Variants in ADRA1A observed in about 807,000 individuals in gnomAD.
The protein encoded by ADRA1A is adrenoceptor alpha 1A.
Under a neutral mutation model 29.6 loss-of-function variants are expected in ADRA1A, and 31 were observed. The ratio of observed to expected loss-of-function variants is 1.05; its 90% confidence interval spans 0.79 to 1.41. The LOEUF is 1.41. ADRA1A is among the 40% of genes most tolerant of loss of function. The pLI is 0.00. For synonymous variants in ADRA1A, 311 were observed against 254.3 expected, an observed-to-expected ratio of 1.22 and a Z score of -2.12; for missense variants, 619 against 601.1, an observed-to-expected ratio of 1.03 and a Z score of -0.31.
chr8:26,812,654 TTTA>T (rs869226900), intron 2 of ADRA1A, among the ~76,000 whole-genome samples: 40 of 150,624 alleles, frequency 2.7e-4, no homozygotes, highest in African/African-American at 9.2e-4. Flanking sequence ...TATTTATTTA[TTTA>T]TTTTCTTTAT....
downstream of ADRA1A, among the ~76,000 whole-genome samples, chr8:26,753,647 C>G (rs1389822157): frequency 6.6e-6 from 1 of 152,126 alleles, no homozygotes; most frequent in African/African-American, 2.4e-5. Flanking sequence ...TGAAGACAGT[C>G]TTAAAATAAA....
chr8:26,788,549 T>A (rs182555941), intron 2 of ADRA1A, among the ~76,000 whole-genome samples: 44 of 152,336 alleles, frequency 2.9e-4, no homozygotes, highest in African/African-American at 9.4e-4. Context: ...ACAGTAGATG[T>A]AATTTATTAG....
At chr8:26,829,988 TG>T (rs1810858210) in intron 2 of ADRA1A, among the ~76,000 whole-genome samples, 1 of 151,936 alleles carries the variant, frequency 6.6e-6, no homozygotes, top group Non-Finnish European at 1.5e-5. Context: ...GGAAGGATTG[TG>T]GTATTTCAGG....
intron 2 of ADRA1A, among the ~76,000 whole-genome samples, chr8:26,822,871 G>A (rs1810276271): frequency 6.6e-6 from 1 of 152,182 alleles, no homozygotes; most frequent in Non-Finnish European, 1.5e-5. Flanking sequence ...CAAGAAAGTG[G>A]TGGGAGGAGG....
chr8:26,842,621 C>T (rs372922542), intron 2 of ADRA1A, among the ~76,000 whole-genome samples: 6 of 152,120 alleles, frequency 3.9e-5, no homozygotes, highest in Non-Finnish European at 5.9e-5. Context: ...ACACACCTTG[C>T]GATCACTGCA....
chr8:26,827,959 T>C (rs968965593), intron 2 of ADRA1A, among the ~76,000 whole-genome samples: 1 of 152,190 alleles, frequency 6.6e-6, no homozygotes, highest in African/African-American at 2.4e-5. Context: ...AGTGGCGTGA[T>C]CATGGCTCAC....
At chr8:26,753,318 C>T (rs1264138633), downstream of ADRA1A, among the ~76,000 whole-genome samples, 2 of 152,164 alleles carry the variant, frequency 1.3e-5, no homozygotes, top group South Asian at 2.1e-4. Flanking sequence ...ATACCACCTT[C>T]CCCTGCTACC....
chr8:26,772,532 T>C (rs1358345128), intron 2 of ADRA1A, among the ~76,000 whole-genome samples: 1 of 152,200 alleles, frequency 6.6e-6, no homozygotes, highest in African/African-American at 2.4e-5. Context: ...AGTTTTCTTA[T>C]CTGAAAAAGG....
At chr8:26,859,290 C>T in intron 2 of ADRA1A, 6 of 918,656 alleles carry the variant, frequency 6.5e-6, no homozygotes, top group Non-Finnish European at 8.9e-6. Context: ...AATAAAAAAA[C>T]ATATAACATC....
At chr8:26,756,189 A>G (rs959966599), downstream of ADRA1A, among the ~76,000 whole-genome samples, 5 of 152,238 alleles carry the variant, frequency 3.3e-5, no homozygotes, top group African/African-American at 9.6e-5. Flanking sequence ...CGATCTAATT[A>G]TCTAACATCT....
chr8:26,799,431 C>T (rs1339342590), intron 2 of ADRA1A, among the ~76,000 whole-genome samples: 1 of 152,166 alleles, frequency 6.6e-6, no homozygotes, highest in Non-Finnish European at 1.5e-5. Context: ...TGTGCAGTGA[C>T]TTCCAGTGAA....
intron 2 of ADRA1A, among the ~76,000 whole-genome samples, chr8:26,828,132 G>T (rs942815443): frequency 3.9e-5 from 6 of 152,086 alleles, no homozygotes; most frequent in African/African-American, 1.4e-4. Context: ...GAGCTCAAGC[G>T]ATCTACCTAC....
intron 2 of ADRA1A, among the ~76,000 whole-genome samples, chr8:26,798,634 G>A (rs7839736): frequency 0.017 from 2,634 of 152,222 alleles, 67 homozygotes; most frequent in African/African-American, 0.057. Context: ...CAGGAGTCTA[G>A]TGAAAAATAG....
chr8:26,806,239 C>G lies in ADRA1A; in HGVS notation c.884-35573G>C, dbSNP rs1808971392. Reference sequence around the variant, plus strand: ...AGCCTCCTAACTGCAAAATCACTTCCCTACAGCCTTCCTTCAGACAAGGTG... The same window carrying G: ...AGCCTCCTAACTGCAAAATCACTTCGCTACAGCCTTCCTTCAGACAAGGTG... On this transcript the variant is annotated intron_variant, in intron 2 of 2. Coordinates refer to ENST00000380573, the MANE Select transcript of ADRA1A (RefSeq NM_000680.4). This position sits in a 1 kb window ranked among gnomAD's most constrained non-coding sequence, Gnocchi z 4.6. Among the ~76,000 whole-genome samples the G allele has an allele frequency of 6.6e-6, 1 of 152,154 alleles. No individual in the cohort carries two copies. Among genetic ancestry groups the G allele is most frequent in the Non-Finnish European group, 1.5e-5 (1 of 68,036 alleles).
chr8:26,751,170 T>A (rs944987526), intron 2 of ADRA1A, among the ~76,000 whole-genome samples: 1 of 152,166 alleles, frequency 6.6e-6, no homozygotes, highest in African/African-American at 2.4e-5. Context: ...TGTGATAGGA[T>A]TCAGAAACCC....
At chr8:26,851,469 C>T (rs12541572) in intron 2 of ADRA1A, among the ~76,000 whole-genome samples, 17,192 of 152,176 alleles carry the variant, frequency 0.11, 1,084 homozygotes, top group Admixed American at 0.15. Flanking sequence ...ACAAAAATCA[C>T]ACCAAATAAT....
In ADRA1A at chr8:26,815,523, C is replaced by T. The variant is rs1028721860; in HGVS notation, c.884-44857G>A. ...AACCACATCAGGACAGAAGATGAGG[C>T]CTTGGGCTTACATAAAATTGGAAGG... On this transcript the variant is annotated intron_variant, in intron 2 of 2. Coordinates refer to ENST00000380573, the MANE Select transcript of ADRA1A (RefSeq NM_000680.4). The surrounding 1 kb of genome is among the most constrained non-coding windows in gnomAD (Gnocchi z 4.2). Among the ~76,000 whole-genome samples the T allele has an allele frequency of 3.9e-5, 6 of 152,064 alleles. No homozygotes were observed. Among genetic ancestry groups the T allele is most frequent in the Non-Finnish European group, 8.8e-5 (6 of 68,006 alleles).
At chr8:26,781,490 C>T (rs1311811395) in intron 2 of ADRA1A, among the ~76,000 whole-genome samples, 1 of 152,228 alleles carries the variant, frequency 6.6e-6, no homozygotes, top group African/African-American at 2.4e-5. Context: ...CAATTACTCA[C>T]AGCTGGAGAT....
At position 26,770,261 on chromosome 8, in the gene ADRA1A, A is replaced by G. The variant is rs777539457; in HGVS notation, c.1289T>C (p.Leu430Ser). 3.7e-6 allele frequency: 6 copies of G among 1,614,134 alleles called. No homozygotes were observed. Among genetic ancestry groups the G allele is most frequent in the East Asian group, 2.2e-5 (1 of 44,880 alleles). The change falls in exon 3 of 3, where the codon TTG (leucine) becomes TCG (serine). Residue 430 changes from leucine (L) to serine (S), a missense_variant. Coordinates refer to ENST00000380573, the MANE Select transcript of ADRA1A (RefSeq NM_000680.4). ...GGGCCCTACACAGCAGCAGACCTGCAAAAAGCTTTTACTTCTCACCCGGGC... is the reference window on the plus strand; with the variant it reads ...GGGCCCTACACAGCAGCAGACCTGCGAAAAGCTTTTACTTCTCACCCGGGC... ...TTARVRSKSF[L>S]QVCCCVGPST...
Sources: allele counts gnomAD v4.1 joint callset (sites outside exome capture counted in the v4.1 genomes callset), GRCh38; gene constraint gnomAD v4.1.1; non-coding constraint Gnocchi (gnomAD v3.1); transcripts MANE v1.5; gene names NCBI Gene and HGNC (gene_info 2026-07-23, HGNC 2026-07-21).